LDLRAD4: variants seen among roughly 807,000 people sequenced by gnomAD.
The protein encoded by LDLRAD4 is low density lipoprotein receptor class A domain containing 4.
Under a neutral mutation model 17.0 loss-of-function variants are expected in LDLRAD4, and 5 were observed. That is an observed-to-expected ratio of 0.29 (90% CI 0.15 to 0.62). LDLRAD4 has a LOEUF of 0.62. Ranked by LOEUF, LDLRAD4 falls within the 20% of genes least tolerant of loss-of-function variation. The probability of loss-of-function intolerance (pLI) is 0.84; values close to 1 mark genes in which losing one functional copy is unlikely to be tolerated. For missense variants in LDLRAD4, 340 were observed against 424.7 expected, an observed-to-expected ratio of 0.80 and a Z score of 1.75; for synonymous variants, 168 against 171.8, an observed-to-expected ratio of 0.98 and a Z score of 0.17.
chr18:13,542,701 A>T (rs1483105118), intron 3 of LDLRAD4, among the ~76,000 whole-genome samples: 1 of 152,118 alleles, frequency 6.6e-6, no homozygotes, highest in Non-Finnish European at 1.5e-5. Flanking sequence ...CACTCAGAAC[A>T]CTTTCCTCTG....
intron 2 of LDLRAD4, among the ~76,000 whole-genome samples, chr18:13,430,419 C>T (rs914252475): frequency 6.6e-6 from 1 of 152,212 alleles, no homozygotes; most frequent in South Asian, 2.1e-4. Context: ...ATCACTTTCA[C>T]TAAGTTTATT....
chr18:13,600,985 G>C (rs889426758), intron 3 of LDLRAD4, among the ~76,000 whole-genome samples: 1 of 152,138 alleles, frequency 6.6e-6, no homozygotes, highest in African/African-American at 2.4e-5. Flanking sequence ...ACAAGACCAT[G>C]TTTCTCCTTA....
chr18:13,545,048 C>T (rs377486571), intron 3 of LDLRAD4, among the ~76,000 whole-genome samples: 8 of 152,116 alleles, frequency 5.3e-5, no homozygotes, highest in Admixed American at 1.3e-4. Flanking sequence ...AAAGTTTTAA[C>T]GGCCACGCAA....
intron 3 of LDLRAD4, among the ~76,000 whole-genome samples, chr18:13,582,819 CT>C (rs1226684743): frequency 6.6e-6 from 1 of 152,236 alleles, no homozygotes. Context: ...CGCAAGCAAA[CT>C]TCCTGCCTCA....
chr18:13,464,623 G>A (rs368870789), intron 3 of LDLRAD4, among the ~76,000 whole-genome samples: 1 of 152,150 alleles, frequency 6.6e-6, no homozygotes, highest in Non-Finnish European at 1.5e-5. Context: ...AGGGGCCACC[G>A]TGTGTCTAGA....
At chr18:13,551,019 G>T (rs555030660) in intron 3 of LDLRAD4, among the ~76,000 whole-genome samples, 2 of 152,146 alleles carry the variant, frequency 1.3e-5, no homozygotes, top group Non-Finnish European at 2.9e-5. Context: ...GCCTCTGGGG[G>T]ATAGCAGAGC....
chr18:13,318,732 C>G (rs951772360), intron 1 of LDLRAD4, among the ~76,000 whole-genome samples: 1 of 152,164 alleles, frequency 6.6e-6, no homozygotes, highest in African/African-American at 2.4e-5. Context: ...CTGCCAGTGT[C>G]TGTCTGGTGT....
chr18:13,270,087 G>A (rs2044442637), intron 1 of LDLRAD4, among the ~76,000 whole-genome samples: 1 of 152,220 alleles, frequency 6.6e-6, no homozygotes. Flanking sequence ...TGGAGGCTGG[G>A]CATGGTGGCT....
intron 3 of LDLRAD4, among the ~76,000 whole-genome samples, chr18:13,594,527 A>G (rs7236944): frequency 0.92 from 140,156 of 151,742 alleles, 64,723 homozygotes; most frequent in East Asian, 1. Context: ...TTAGCAGGGC[A>G]TGGAGGTGCA....
At position 13,546,589 on chromosome 18, in the gene LDLRAD4, T is replaced by G. The variant is rs998677680; in HGVS notation, c.182-74528T>G. On this transcript the variant is annotated intron_variant, in intron 3 of 5. Transcript: ENST00000359446. ...TTGCTATGTTACCCAGCCTGGGTGGTTTTTTTTTTAAATACCACACACTAC... is the reference window on the plus strand; with the variant it reads ...TTGCTATGTTACCCAGCCTGGGTGGGTTTTTTTTTAAATACCACACACTAC... Among the ~76,000 whole-genome samples, 4 of 148,640 alleles carry G rather than the reference T, an allele frequency of 2.7e-5. No individual in the cohort carries two copies. In the Admixed American group the frequency reaches 2.7e-4, roughly 10 times the overall value.
rs559389255 is a variant in LDLRAD4, at chr18:13,423,332, A to C, written c.41-14912A>C. ...ACATGGAGAAACTCTGTCTCTACTA[A>C]AAATACAAAAATTAGCCAGGCATGG... is the stretch of plus-strand genomic sequence containing the variant. On this transcript the variant is annotated intron_variant, in intron 2 of 5. Transcript: ENST00000359446. Among the ~76,000 whole-genome samples the C allele has an allele frequency of 5.9e-5, 9 of 152,108 alleles. No individual in the cohort carries two copies. The South Asian group carries it at 1.9e-3, about 32-fold the overall frequency.
chr18:13,241,724 G>C (rs2042661297), intron 1 of LDLRAD4: 2 of 152,386 alleles, frequency 1.3e-5, no homozygotes, highest in South Asian at 4.1e-4. Context: ...CGTCAGTAGA[G>C]AATCCTCCTC....
intron 3 of LDLRAD4, among the ~76,000 whole-genome samples, chr18:13,549,998 T>G (rs910568529): frequency 6.6e-6 from 1 of 152,230 alleles, no homozygotes; most frequent in Non-Finnish European, 1.5e-5. Context: ...TCTGAACTGC[T>G]GCCATCATCC....
At chr18:13,289,305 G>A (rs918710718) in intron 1 of LDLRAD4, among the ~76,000 whole-genome samples, 1 of 152,208 alleles carries the variant, frequency 6.6e-6, no homozygotes, top group African/African-American at 2.4e-5. Context: ...TTGCATAGGT[G>A]TATAAACTGA....
At chr18:13,439,490 G>A (rs1017568931) in intron 3 of LDLRAD4, among the ~76,000 whole-genome samples, 2 of 152,164 alleles carry the variant, frequency 1.3e-5, no homozygotes, top group Non-Finnish European at 1.5e-5. Context: ...CCTACCAAGC[G>A]CTCTTTGAGT....
At chr18:13,597,645 G>A (rs1422349370) in intron 3 of LDLRAD4, among the ~76,000 whole-genome samples, 2 of 152,046 alleles carry the variant, frequency 1.3e-5, no homozygotes, top group Non-Finnish European at 2.9e-5. Flanking sequence ...AGAGTGCACA[G>A]TCTTTATCAA....
chr18:13,360,506 G>A (rs990927396), intron 1 of LDLRAD4, among the ~76,000 whole-genome samples: 1 of 150,526 alleles, frequency 6.6e-6, no homozygotes, highest in African/African-American at 2.5e-5. Flanking sequence ...ACTAAAAAAA[G>A]TATGACAAAA....
At chr18:13,426,492 C>CAGTA (rs2089948467) in intron 2 of LDLRAD4, among the ~76,000 whole-genome samples, 1 of 152,030 alleles carries the variant, frequency 6.6e-6, no homozygotes, top group African/African-American at 2.4e-5. Context: ...TCTCTCTGCC[C>CAGTA]AGTAGCGGGG....
chr18:13,473,661 ATATATATATATATATAT>A (rs1568213813), intron 3 of LDLRAD4, among the ~76,000 whole-genome samples: 28 of 107,980 alleles, frequency 2.6e-4, no homozygotes, highest in Admixed American at 8.6e-4. Context: ...ATATATATAT[ATATATATATATATATAT>A]AACGTTTACA....
Sources: gnomAD v4.1 joint callset for allele counts (sites outside exome capture counted in the v4.1 genomes callset) on GRCh38, gnomAD v4.1.1 for gene constraint, MANE v1.5 for transcripts, NCBI Gene and HGNC (gene_info 2026-07-23, HGNC 2026-07-21) for gene names.